Variants in LRP1B observed in about 807,000 individuals in gnomAD.
LRP1B encodes LDL receptor related protein 1B, also known as low-density lipoprotein receptor-related protein 1B.
LRP1B carries 217 observed loss-of-function variants against 556.6 expected under a neutral mutation model. That is an observed-to-expected ratio of 0.39 (90% CI 0.35 to 0.44). The LOEUF is 0.44. LRP1B is among the 20% of genes least tolerant of loss of function. LRP1B has a pLI of 1.00. For synonymous variants in LRP1B, 2,047 were observed against 1,865.8 expected (o/e 1.10, Z -2.50); for missense variants, 5,053 against 5,620.8 (o/e 0.90, Z 3.23).
At chr2:141,203,122 C>T (rs1481080080) in intron 6 of LRP1B, among the ~76,000 whole-genome samples, 1 of 152,096 alleles carries the variant, frequency 6.6e-6, no homozygotes, top group Non-Finnish European at 1.5e-5. Flanking sequence ...TATGAAGAAA[C>T]TACATCAACT....
intron 2 of LRP1B, among the ~76,000 whole-genome samples, chr2:141,644,882 A>G (rs1689495236): frequency 6.6e-6 from 1 of 151,948 alleles, no homozygotes; most frequent in African/African-American, 2.4e-5. Context: ...CAGCATCTTC[A>G]CCCAGCACAA....
intron 43 of LRP1B, among the ~76,000 whole-genome samples, chr2:140,595,058 A>C (rs1417853459): frequency 7.3e-6 from 1 of 137,654 alleles, no homozygotes; most frequent in Admixed American, 7.4e-5. Context: ...GTTGTTTTGC[A>C]GATCTACTTA....
intron 32 of LRP1B, among the ~76,000 whole-genome samples, chr2:140,780,216 C>T (rs538026653): frequency 4.3e-4 from 65 of 152,184 alleles, no homozygotes; most frequent in African/African-American, 1.4e-3. Flanking sequence ...TATTGATAAT[C>T]GATGAGTCTC....
rs1344393724 is a variant in LRP1B, at chr2:141,254,733, G to A, written c.344-92C>T. The A allele has an allele frequency of 8.6e-6, 8 of 933,038 alleles. 1 individual carries two copies. The highest frequency in any genetic ancestry group is 6.9e-5 in the Admixed American group (2 of 28,982). The allele number at this position is 933,038 out of a possible 1,614,324, so 57.8% of individuals were successfully genotyped here. ...TGTACAATCCTTACACTATAGTCTTGATTGTTCTCCCAGAAAGTTTATATG... is the reference window on the plus strand; with the variant it reads ...TGTACAATCCTTACACTATAGTCTTAATTGTTCTCCCAGAAAGTTTATATG... On this transcript the variant is annotated intron_variant, in intron 3 of 90. Coordinates refer to ENST00000389484, the MANE Select transcript of LRP1B (RefSeq NM_018557.3).
intron 3 of LRP1B, among the ~76,000 whole-genome samples, chr2:141,404,844 A>G (rs1690575434): frequency 6.6e-6 from 1 of 152,080 alleles, no homozygotes. Flanking sequence ...ACCTATTTCT[A>G]ATTTTCATTT....
rs903302481 is a variant in LRP1B, at chr2:140,407,686, T to C, written c.10415-21677A>G. On this transcript the variant is annotated intron_variant, in intron 66 of 90. Transcript: ENST00000389484. ...TAAAAAGTCAAAAAATAGTACATGT[T>C]GCTGTGGATGTGGTGAAAAGAGAAC... Among the ~76,000 whole-genome samples, 30 of 152,174 alleles carry C rather than the reference T, an allele frequency of 2.0e-4. 1 individual carries two copies. Among genetic ancestry groups the C allele is most frequent in the African/African-American group, 7.0e-4 (29 of 41,550 alleles).
intron 3 of LRP1B, among the ~76,000 whole-genome samples, chr2:141,326,619 C>T (rs1276672726): frequency 6.6e-6 from 1 of 152,124 alleles, no homozygotes; most frequent in Non-Finnish European, 1.5e-5. Context: ...AATGTCAGGG[C>T]ACATTTTGTG....
intron 46 of LRP1B, among the ~76,000 whole-genome samples, chr2:140,536,343 G>GT (rs1282694066): frequency 1.2e-4 from 12 of 98,588 alleles, no homozygotes; most frequent in African/African-American, 4.9e-4. Flanking sequence ...AAAAAAAAAA[G>GT]GCTATTTTGT....
At chr2:140,437,664 T>C (rs1169076836) in intron 66 of LRP1B, among the ~76,000 whole-genome samples, 1 of 152,232 alleles carries the variant, frequency 6.6e-6, no homozygotes, top group Non-Finnish European at 1.5e-5. Context: ...AATTTCTAAA[T>C]GTTATTCTAA....
chr2:142,090,478 G>A (rs1179501912), intron 1 of LRP1B, among the ~76,000 whole-genome samples: 137 of 152,028 alleles, frequency 9.0e-4, no homozygotes, highest in Admixed American at 9.0e-3. Context: ...GTACAGAGAT[G>A]AAAATAATTA....
intron 3 of LRP1B, among the ~76,000 whole-genome samples, chr2:141,300,549 G>T (rs1471057766): frequency 6.6e-6 from 1 of 152,180 alleles, no homozygotes; most frequent in Non-Finnish European, 1.5e-5. Flanking sequence ...AATGTTGAAG[G>T]TGAGCTTCGT....
At chr2:141,742,825 T>C (rs1325651729) in intron 2 of LRP1B, among the ~76,000 whole-genome samples, 1 of 152,180 alleles carries the variant, frequency 6.6e-6, no homozygotes, top group African/African-American at 2.4e-5. Context: ...GTACAAGCTT[T>C]CATTTCTCTG....
intron 68 of LRP1B, among the ~76,000 whole-genome samples, chr2:140,377,277 A>C (rs1039561064): frequency 6.6e-6 from 1 of 152,024 alleles, no homozygotes; most frequent in African/African-American, 2.4e-5. Context: ...GGGTTTCACC[A>C]TGTTGGCCAG....
chr2:140,907,851 A>C (rs1694301104), intron 22 of LRP1B, 26 bp downstream of exon 22: 1 of 1,602,570 alleles, frequency 6.2e-7, no homozygotes, highest in Admixed American at 1.7e-5. Flanking sequence ...TTCATGGAGA[A>C]GTCAGTACAA....
At chr2:140,281,180 C>T (rs1404475763) in intron 84 of LRP1B, among the ~76,000 whole-genome samples, 2 of 151,778 alleles carry the variant, frequency 1.3e-5, no homozygotes, top group Non-Finnish European at 2.9e-5. Context: ...TTCCTTTAAT[C>T]TTTTCACAGT....
At chr2:141,439,537 T>C (rs1006175536) in intron 3 of LRP1B, among the ~76,000 whole-genome samples, 6 of 152,114 alleles carry the variant, frequency 3.9e-5, no homozygotes, top group African/African-American at 1.4e-4. Context: ...TGTATAATTA[T>C]ACATTTTTCT....
chr2:140,805,467 C>A (rs1026509127), intron 32 of LRP1B, among the ~76,000 whole-genome samples: 2 of 152,132 alleles, frequency 1.3e-5, no homozygotes, highest in African/African-American at 4.8e-5. Flanking sequence ...GAAGCACAAA[C>A]CTATTCTAAG....
intron 41 of LRP1B, among the ~76,000 whole-genome samples, chr2:140,634,465 A>G (rs1684002490): frequency 6.6e-6 from 1 of 152,174 alleles, no homozygotes. Flanking sequence ...GCCCTCAGGG[A>G]GACGAAGCAT....
intron 6 of LRP1B, among the ~76,000 whole-genome samples, chr2:141,218,647 A>G (rs188201201): frequency 1.1e-3 from 174 of 152,334 alleles, no homozygotes; most frequent in African/African-American, 4.0e-3. Context: ...GTAAAGGGAA[A>G]AGATTGAAAA....
Sources: gnomAD v4.1 joint callset for allele counts (sites outside exome capture counted in the v4.1 genomes callset) on GRCh38, gnomAD v4.1.1 for gene constraint, MANE v1.5 for transcripts, NCBI Gene and HGNC (gene_info 2026-07-23, HGNC 2026-07-21) for gene names.